Variants in RBFOX1 observed in about 807,000 individuals in gnomAD.
RBFOX1 encodes RNA binding protein fox-1 homolog 1.
Under a neutral mutation model 57.7 loss-of-function variants are expected in RBFOX1, and 8 were observed. The ratio of observed to expected loss-of-function variants is 0.14; its 90% CI spans 0.08 to 0.25. The LOEUF is 0.25. Ranked by LOEUF, RBFOX1 falls within the 10% of genes least tolerant of loss-of-function variation. The pLI, the probability that RBFOX1 is intolerant of heterozygous loss-of-function variation, is 1.00. For missense variants in RBFOX1, 611 were observed against 548.5 expected (o/e 1.11, Z -1.14); for synonymous variants, 326 against 222.4 (o/e 1.47, Z -4.15).
intron 4 of RBFOX1, among the ~76,000 whole-genome samples, chr16:7,496,344 TG>T (rs1390092144): frequency 1.3e-5 from 2 of 152,196 alleles, no homozygotes; most frequent in Non-Finnish European, 2.9e-5. Flanking sequence ...GGTTTCATCA[TG>T]TTGACCAGGC....
intron 2 of RBFOX1, among the ~76,000 whole-genome samples, chr16:5,591,798 T>C (rs1035239232): frequency 6.6e-6 from 1 of 152,212 alleles, no homozygotes; most frequent in Non-Finnish European, 1.5e-5. Flanking sequence ...TTGTTCCCAG[T>C]ATTTTGTAAT....
chr16:6,642,151 AG>A (rs1568007924), intron 2 of RBFOX1, among the ~76,000 whole-genome samples: 2 of 152,168 alleles, frequency 1.3e-5, no homozygotes, highest in African/African-American at 4.8e-5. Flanking sequence ...GACAGAAGGC[AG>A]GCGACAAACC....
In RBFOX1 at chr16:6,291,949, A is replaced by ATGTGTG. The variant is rs112285049; in HGVS notation, c.-126-25028_-126-25023dup. Among the ~76,000 whole-genome samples, 810 of 149,540 alleles carry ATGTGTG rather than the reference A, an allele frequency of 5.4e-3. 4 individuals carry two copies. Among genetic ancestry groups the ATGTGTG allele is most frequent in the Middle Eastern group, 0.024 (7 of 288 alleles). On this transcript the variant is annotated intron_variant, in intron 1 of 15. Coordinates refer to ENST00000550418, the MANE Select transcript of RBFOX1 (RefSeq NM_018723.4). The stretch of plus-strand genomic sequence containing the variant: ...AGTTATAGACTCTGTGTTGGAATGA[A>ATGTGTG]TGTGTGTGTGTGTGTGTGTGTGTAC...
chr16:7,638,727 A>T (rs2062215268), intron 11 of RBFOX1, among the ~76,000 whole-genome samples: 1 of 152,194 alleles, frequency 6.6e-6, no homozygotes, highest in Non-Finnish European at 1.5e-5. Flanking sequence ...CTGTACATAT[A>T]GCCATAGACT....
intron 3 of RBFOX1, among the ~76,000 whole-genome samples, chr16:7,003,610 C>T (rs570779740): frequency 2.0e-5 from 3 of 152,082 alleles, no homozygotes; most frequent in Admixed American, 1.3e-4. Context: ...GAAAAACTAA[C>T]CTCTTCCAGG....
At chr16:7,511,363 A>T (rs2075030334) in intron 4 of RBFOX1, among the ~76,000 whole-genome samples, 1 of 152,198 alleles carries the variant, frequency 6.6e-6, no homozygotes, top group African/African-American at 2.4e-5. Context: ...TGGGGAAAAA[A>T]CAACGACAAC....
intron 1 of RBFOX1, among the ~76,000 whole-genome samples, chr16:6,049,281 C>G (rs922634446): frequency 6.6e-6 from 1 of 151,560 alleles, no homozygotes; most frequent in Admixed American, 6.6e-5. Context: ...TCAGGCTGGT[C>G]TCAAACTCCT....
intron 10 of RBFOX1, among the ~76,000 whole-genome samples, chr16:7,615,471 C>G (rs115346273): frequency 6.6e-6 from 1 of 152,092 alleles, no homozygotes; most frequent in Non-Finnish European, 1.5e-5. Flanking sequence ...TTGTTACCTT[C>G]GATTTGCAGG....
At chr16:5,492,303 C>G (rs8046730) in intron 2 of RBFOX1, among the ~76,000 whole-genome samples, 3,427 of 152,256 alleles carry the variant, frequency 0.023, 136 homozygotes, top group African/African-American at 0.078. Flanking sequence ...CTTTTCAGGC[C>G]TATTTATTTA....
intron 4 of RBFOX1, among the ~76,000 whole-genome samples, chr16:7,106,359 A>G (rs891539813): frequency 1.3e-5 from 2 of 152,162 alleles, no homozygotes; most frequent in African/African-American, 4.8e-5. Context: ...CTAGTTGAGA[A>G]TTGGCAAATG....
At position 5,476,351 on chromosome 16, in the gene RBFOX1, A is replaced by G. The variant is rs75893147; in HGVS notation, c.258+9097A>G. On this transcript the variant is annotated intron_variant, in intron 2 of 2. Coordinates refer to the RBFOX1 transcript ENST00000585867. Reference sequence around the variant, plus strand: ...TGGAGTGAGACCAGACATTTCTTATATGCTCCAAACTGGAGAGGCTGAGGC... The same window carrying G: ...TGGAGTGAGACCAGACATTTCTTATGTGCTCCAAACTGGAGAGGCTGAGGC... Among the ~76,000 whole-genome samples, 71 of 152,340 alleles carry G rather than the reference A, an allele frequency of 4.7e-4. 1 individual carries two copies. The East Asian group carries it at 0.012, about 25-fold the overall frequency.
intron 3 of RBFOX1, among the ~76,000 whole-genome samples, chr16:6,964,868 C>T (rs996712728): frequency 1.3e-5 from 2 of 152,100 alleles, no homozygotes; most frequent in African/African-American, 4.8e-5. Context: ...GCTGTGTGAC[C>T]CTGGGCAAGT....
At chr16:6,798,916 C>T (rs1053139723) in intron 3 of RBFOX1, among the ~76,000 whole-genome samples, 1 of 152,034 alleles carries the variant, frequency 6.6e-6, no homozygotes, top group East Asian at 1.9e-4. Flanking sequence ...AAAATGAATT[C>T]TTGTTTTTAA....
chr16:6,555,703 A>AC (rs2097088027), intron 2 of RBFOX1, among the ~76,000 whole-genome samples: 1 of 152,142 alleles, frequency 6.6e-6, no homozygotes, highest in African/African-American at 2.4e-5. Context: ...CTGTCTGAAA[A>AC]AAAAACAAAA....
At chr16:7,609,032 G>A (rs1016975828) in intron 10 of RBFOX1, among the ~76,000 whole-genome samples, 2 of 152,178 alleles carry the variant, frequency 1.3e-5, no homozygotes, top group South Asian at 4.1e-4. Flanking sequence ...GTATTGCTGG[G>A]ATGCATCTTT....
chr16:7,479,587 A>G (rs938071209), intron 4 of RBFOX1, among the ~76,000 whole-genome samples: 2 of 152,154 alleles, frequency 1.3e-5, no homozygotes, highest in Admixed American at 6.5e-5. Flanking sequence ...GGTGTGAAGC[A>G]TGAAACAGGT....
intron 1 of RBFOX1, among the ~76,000 whole-genome samples, chr16:5,370,283 C>A (rs1369512669): frequency 6.6e-6 from 1 of 152,018 alleles, no homozygotes; most frequent in Admixed American, 6.6e-5. Context: ...AGACAAGCCC[C>A]CAAGCGTGAG....
chr16:7,084,877 A>G (rs541750783), intron 4 of RBFOX1, among the ~76,000 whole-genome samples: 15 of 150,648 alleles, frequency 1.0e-4, no homozygotes, highest in East Asian at 5.8e-4. Flanking sequence ...CTATCCATCT[A>G]TCTATCTTCT....
intron 2 of RBFOX1, among the ~76,000 whole-genome samples, chr16:5,521,068 C>T (rs2043993791): frequency 6.6e-6 from 1 of 152,184 alleles, no homozygotes; most frequent in Non-Finnish European, 1.5e-5. Context: ...GATACTGAAC[C>T]AGCCCCTAAC....
Sources: allele counts gnomAD v4.1 joint callset (sites outside exome capture counted in the v4.1 genomes callset), GRCh38; gene constraint gnomAD v4.1.1; transcripts MANE v1.5; gene names NCBI Gene and HGNC (gene_info 2026-07-23, HGNC 2026-07-21).